RSPO2: variants seen among roughly 807,000 people sequenced by gnomAD.
RSPO2 encodes R-spondin 2, also known as R-spondin-2.
In RSPO2, 14 loss-of-function variants were observed where a neutral mutation model predicts 30.9. The ratio of observed to expected loss-of-function variants is 0.45; its 90% CI spans 0.30 to 0.71. RSPO2 has a LOEUF of 0.71. Ranked by LOEUF, RSPO2 falls within the 30% of genes least tolerant of loss-of-function variation. The pLI is 0.08. For synonymous variants in RSPO2, 107 were observed against 96.4 expected, an observed-to-expected ratio of 1.11 and a Z score of -0.64; for missense variants, 264 against 301.9, an observed-to-expected ratio of 0.87 and a Z score of 0.93.
chr8:107,961,240 T>C (rs1813617807), intron 3 of RSPO2, among the ~76,000 whole-genome samples: 1 of 152,238 alleles, frequency 6.6e-6, no homozygotes, highest in Admixed American at 6.5e-5. Flanking sequence ...AGAATTTTAA[T>C]TTTTAAAATG....
Position 107,916,911 on chromosome 8 carries a change from C to T in RSPO2, c.617-15721G>A, listed in dbSNP as rs73700336. Among the ~76,000 whole-genome samples the T allele has an allele frequency of 6.8e-3, 1,037 of 152,156 alleles. 7 individuals are homozygous for T. The highest frequency in any genetic ancestry group is 0.024 in the African/African-American group (977 of 41,532). ...ATGAAAATGTTACCTTATGGTCAAA[C>T]GAATTAAAACTGGATAGATTTGTAA... is the stretch of plus-strand genomic sequence containing the variant. On this transcript the variant is annotated intron_variant, in intron 5 of 5. Transcript: ENST00000276659.
At chr8:107,941,361 A>T (rs1487441997) in intron 5 of RSPO2, among the ~76,000 whole-genome samples, 1 of 152,204 alleles carries the variant, frequency 6.6e-6, no homozygotes, top group Non-Finnish European at 1.5e-5. Context: ...GACTCATTAG[A>T]TGCTTTGTCT....
chr8:107,933,452 A>T (rs1812611840), intron 5 of RSPO2, among the ~76,000 whole-genome samples: 1 of 152,172 alleles, frequency 6.6e-6, no homozygotes, highest in Admixed American at 6.6e-5. Flanking sequence ...ATTTATATAT[A>T]TAAATTTATC....
At chr8:107,959,601 T>C (rs749216457) in intron 4 of RSPO2, among the ~76,000 whole-genome samples, 3 of 152,200 alleles carry the variant, frequency 2.0e-5, no homozygotes, top group Admixed American at 1.3e-4. Flanking sequence ...AGGGAATGCA[T>C]AAGACTCTAT....
intron 2 of RSPO2, among the ~76,000 whole-genome samples, chr8:108,081,417 A>G (rs1174032422): frequency 6.6e-6 from 1 of 152,262 alleles, no homozygotes; most frequent in Non-Finnish European, 1.5e-5. Context: ...GAAAAAGTCA[A>G]CATTCATGAA....
chr8:108,048,618 C>G (rs533488447), intron 2 of RSPO2, among the ~76,000 whole-genome samples: 1 of 151,994 alleles, frequency 6.6e-6, no homozygotes, highest in Non-Finnish European at 1.5e-5. Context: ...TCAAAAAACC[C>G]GCTCCTGGAT....
chr8:108,077,445 A>G (rs1450102598), intron 2 of RSPO2, among the ~76,000 whole-genome samples: 1 of 152,120 alleles, frequency 6.6e-6, no homozygotes, highest in Non-Finnish European at 1.5e-5. Flanking sequence ...TGGAAAGAGT[A>G]AAAACACTAT....
intron 2 of RSPO2, among the ~76,000 whole-genome samples, chr8:108,069,403 A>G (rs1042610472): frequency 6.6e-6 from 1 of 152,138 alleles, no homozygotes; most frequent in Non-Finnish European, 1.5e-5. Flanking sequence ...TAGCAGAGAC[A>G]GGGTTTCACC....
chr8:108,080,353 A>AT (rs111813775), intron 2 of RSPO2, among the ~76,000 whole-genome samples: 2,261 of 150,206 alleles, frequency 0.015, 48 homozygotes, highest in African/African-American at 0.049. Context: ...AAAAAGTTTG[A>AT]TTTTTTTTTT....
In RSPO2 at chr8:107,974,218, G is replaced by A. The variant is rs552701248; in HGVS notation, c.284-13401C>T. Among the ~76,000 whole-genome samples, 6 of 152,136 alleles carry A rather than the reference G, an allele frequency of 3.9e-5. No individual in the cohort carries two copies. In the East Asian group the frequency reaches 1.2e-3, roughly 29 times the overall value. ...AAAGAGCATTCTGGTCAGGTGCAGC[G>A]GCTTATGCCAGTAATTCCAACACTT... is the stretch of plus-strand genomic sequence containing the variant. On this transcript the variant is annotated intron_variant, in intron 3 of 5. Transcript: ENST00000276659.
intron 5 of RSPO2, among the ~76,000 whole-genome samples, chr8:107,934,484 T>A (rs549375477): frequency 4.6e-5 from 7 of 152,214 alleles, no homozygotes; most frequent in African/African-American, 1.7e-4. Flanking sequence ...GCCGTTCTCC[T>A]GCCTCAGCCT....
At position 108,003,637 on chromosome 8, in the gene RSPO2, G is replaced by T. The variant is rs987566169; in HGVS notation, c.95-14393C>A. 3.3e-5 allele frequency among the ~76,000 whole-genome samples: 5 copies of T among 151,542 alleles called. No individual in the cohort carries two copies. The South Asian group carries it at 1.0e-3, about 32-fold the overall frequency. ...AGGTTCTGTCTATTATGAATAAGAA[G>T]AAATTAAAAAACAGCAAAGTCAAAA... On this transcript the variant is annotated intron_variant, in intron 2 of 5. Transcript: ENST00000276659.
intron 2 of RSPO2, among the ~76,000 whole-genome samples, chr8:108,057,422 T>C (rs552486579): frequency 1.6e-3 from 237 of 152,308 alleles, no homozygotes; most frequent in Middle Eastern, 3.4e-3. Context: ...CAACAATGAA[T>C]AGATTTTGGG....
intron 2 of RSPO2, among the ~76,000 whole-genome samples, chr8:108,011,433 C>T (rs1185274259): frequency 6.6e-6 from 1 of 152,094 alleles, no homozygotes; most frequent in Non-Finnish European, 1.5e-5. Context: ...TTGTGTTTGG[C>T]ACTTCATAAA....
intron 5 of RSPO2, among the ~76,000 whole-genome samples, chr8:107,955,482 T>C (rs1174160028): frequency 6.6e-6 from 1 of 152,056 alleles, no homozygotes; most frequent in Non-Finnish European, 1.5e-5. Flanking sequence ...AGACAACTGA[T>C]CTAAAGGAAA....
At chr8:107,925,010 A>C (rs543705593) in intron 5 of RSPO2, among the ~76,000 whole-genome samples, 1 of 152,234 alleles carries the variant, frequency 6.6e-6, no homozygotes, top group East Asian at 1.9e-4. Flanking sequence ...TCCTGCACTC[A>C]GATAAACCTC....
intron 5 of RSPO2, among the ~76,000 whole-genome samples, chr8:107,919,343 T>C (rs1293696809): frequency 6.6e-6 from 1 of 152,218 alleles, no homozygotes; most frequent in African/African-American, 2.4e-5. Context: ...TGTTTATTCC[T>C]GGGCCTAGGC....
At chr8:107,962,335 C>A (rs541563344) in intron 3 of RSPO2, among the ~76,000 whole-genome samples, 3 of 152,214 alleles carry the variant, frequency 2.0e-5, no homozygotes, top group East Asian at 1.9e-4. Flanking sequence ...TGTGTCTAGA[C>A]CTATTAAAAA....
chr8:107,981,393 C>A (rs576312620), intron 3 of RSPO2, among the ~76,000 whole-genome samples: 4 of 151,818 alleles, frequency 2.6e-5, no homozygotes, highest in Non-Finnish European at 5.9e-5. Context: ...TCGTGGCGTG[C>A]GCCTGTAGTC....
Sources: gnomAD v4.1 joint callset for allele counts (sites outside exome capture counted in the v4.1 genomes callset) on GRCh38, gnomAD v4.1.1 for gene constraint, MANE v1.5 for transcripts, NCBI Gene and HGNC (gene_info 2026-07-23, HGNC 2026-07-21) for gene names.